Variants in PALMD observed in about 807,000 individuals in gnomAD.
PALMD encodes palmdelphin, also known as paralemmin-like protein.
A neutral mutation model predicts 56.2 loss-of-function variants in PALMD; 42 were observed. The ratio of observed to expected loss-of-function variants is 0.75; its 90% CI spans 0.58 to 0.97. The LOEUF (loss-of-function observed/expected upper bound fraction) is 0.97, where lower values mean the gene tolerates loss of function less well. Among genes scored for constraint, PALMD ranks in the 50% least tolerant of loss-of-function variants. The pLI, the probability that PALMD is intolerant of heterozygous loss-of-function variation, is 0.00. For missense variants in PALMD, 660 were observed against 643.8 expected (o/e 1.03, Z -0.27); for synonymous variants, 242 against 222.9 (o/e 1.09, Z -0.76).
At chr1:99,646,991 T>G (rs1652457168) in intron 1 of PALMD, among the ~76,000 whole-genome samples, 1 of 152,210 alleles carries the variant, frequency 6.6e-6, no homozygotes, top group African/African-American at 2.4e-5. Flanking sequence ...AGGAATGCAG[T>G]GCATGCAGTG....
Position 99,650,285 on chromosome 1 carries a change from GAAAAAAAAAAAAAAAAAA to G in PALMD, c.45+3940_45+3957del, listed in dbSNP as rs200081370. The stretch of plus-strand genomic sequence containing the variant: ...TTTGCCGGCCAAAGCTGCTCATAAT[GAAAAAAAAAAAAAAAAAA>G]AAAAAAAAAAAAAAAAGCTCTCACA... On this transcript the variant is annotated intron_variant, in intron 1 of 7. Transcript: ENST00000263174. Among the ~76,000 whole-genome samples the G allele has an allele frequency of 2.6e-3, 305 of 117,010 alleles. 1 individual carries two copies. The highest frequency in any genetic ancestry group is 0.011 in the African/African-American group (290 of 27,330). The allele number at this position is 117,010 out of a possible 152,430, so 76.8% of individuals were successfully genotyped here.
intron 2 of PALMD, among the ~76,000 whole-genome samples, chr1:99,664,157 G>T (rs1186243750): frequency 6.6e-6 from 1 of 152,160 alleles, no homozygotes; most frequent in Non-Finnish European, 1.5e-5. Context: ...TGGAAAAAAG[G>T]GGTGTGTGTG....
chr1:99,661,059 T>C (rs781237001), intron 1 of PALMD, among the ~76,000 whole-genome samples: 54 of 152,246 alleles, frequency 3.5e-4, no homozygotes, highest in Non-Finnish European at 6.8e-4. Context: ...AGGGAACCCA[T>C]GCACTTATAT....
chr1:99,648,372 C>T (rs986713402), intron 1 of PALMD, among the ~76,000 whole-genome samples: 2 of 152,148 alleles, frequency 1.3e-5, no homozygotes, highest in African/African-American at 2.4e-5. Flanking sequence ...CAGCTTTCCT[C>T]GCCCTCGCCC....
chr1:99,654,127 T>C (rs1652656700), intron 1 of PALMD, among the ~76,000 whole-genome samples: 2 of 151,992 alleles, frequency 1.3e-5, no homozygotes, highest in Non-Finnish European at 2.9e-5. Context: ...CAACACAAGT[T>C]CCACCACTCG....
chr1:99,663,426 TG>T (rs1652891685), intron 2 of PALMD, among the ~76,000 whole-genome samples: 1 of 151,834 alleles, frequency 6.6e-6, no homozygotes, highest in African/African-American at 2.4e-5. Context: ...AGGAAATCAA[TG>T]AAATTTAAAA....
At chr1:99,659,857 C>G (rs1389483212) in intron 1 of PALMD, among the ~76,000 whole-genome samples, 1 of 152,130 alleles carries the variant, frequency 6.6e-6, no homozygotes, top group East Asian at 1.9e-4. Flanking sequence ...CATCATATTA[C>G]CCCTGAGTGA....
At chr1:99,664,487 C>A (rs1474633384) in intron 2 of PALMD, among the ~76,000 whole-genome samples, 1 of 152,104 alleles carries the variant, frequency 6.6e-6, no homozygotes, top group East Asian at 1.9e-4. Flanking sequence ...AAGATGGTAA[C>A]TGATACATAA....
chr1:99,684,708 G>A (rs1653447888), intron 3 of PALMD: 2 of 152,098 alleles, frequency 1.3e-5, no homozygotes, highest in Non-Finnish European at 2.9e-5. Flanking sequence ...TAGAGACTGA[G>A]GTCTCACTAT....
chr1:99,664,185 G>A (rs1652913065), intron 2 of PALMD, among the ~76,000 whole-genome samples: 1 of 152,170 alleles, frequency 6.6e-6, no homozygotes, highest in Non-Finnish European at 1.5e-5. Context: ...GCAGGGCTAG[G>A]AGTTGGGGGA....
chr1:99,691,252 G>A (rs1653645591), intron 7 of PALMD, among the ~76,000 whole-genome samples: 2 of 152,238 alleles, frequency 1.3e-5, no homozygotes, highest in Admixed American at 1.3e-4. Flanking sequence ...GTCAATAGCA[G>A]TGACATTATC....
intron 1 of PALMD, among the ~76,000 whole-genome samples, chr1:99,651,571 AG>A (rs1652587313): frequency 6.6e-6 from 1 of 152,230 alleles, no homozygotes. Flanking sequence ...TTTAATCTGC[AG>A]TCTCTAACTA....
intron 7 of PALMD, among the ~76,000 whole-genome samples, chr1:99,692,711 C>T (rs377552203): frequency 9.2e-5 from 14 of 152,292 alleles, no homozygotes; most frequent in African/African-American, 3.4e-4. Context: ...GCCCCTCACT[C>T]CTACTCTCTT....
chr1:99,690,517 T>C (rs534826144), intron 7 of PALMD, among the ~76,000 whole-genome samples: 167 of 152,298 alleles, frequency 1.1e-3, no homozygotes, highest in African/African-American at 3.7e-3. Flanking sequence ...TCTCATTCTT[T>C]GCAAAATTTT....
In PALMD at chr1:99,687,110, C is replaced by T; in HGVS notation, c.435C>T (p.Asp145=). The part of the protein sequence containing the change: ...SIEDIYANIP[D]LPKSYIPSRL... ...AGGACATCTATGCTAATATCCCTGA[C>T]CTTCCAAAGTCCTACATACCTTCTA... The change falls in exon 6 of 8, where the codon GAC becomes GAT. Residue 145 remains aspartate, a synonymous_variant. Transcript: ENST00000263174. 1 of 1,603,794 alleles carries T rather than the reference C, an allele frequency of 6.2e-7. No individual in the cohort carries two copies. The highest frequency in any genetic ancestry group is 1.7e-5 in the Admixed American group (1 of 59,678).
At chr1:99,669,610 T>C (rs1653042274) in intron 3 of PALMD, 1 of 152,260 alleles carries the variant, frequency 6.6e-6, no homozygotes, top group Non-Finnish European at 1.5e-5. Context: ...CCTACAACTT[T>C]CTCTGCATCT....
chr1:99,646,734 T>G (rs568554635), intron 1 of PALMD, among the ~76,000 whole-genome samples: 2 of 152,368 alleles, frequency 1.3e-5, no homozygotes, highest in African/African-American at 4.8e-5. Context: ...TGGAAACTTT[T>G]TTAAGCTATG....
At chr1:99,682,367 G>A (rs1042219392) in intron 3 of PALMD, among the ~76,000 whole-genome samples, 2 of 152,152 alleles carry the variant, frequency 1.3e-5, no homozygotes, top group Non-Finnish European at 2.9e-5. Flanking sequence ...ATAAAGAATG[G>A]GAGGGAGGTG....
At chr1:99,657,809 T>C (rs77133786) in intron 1 of PALMD, among the ~76,000 whole-genome samples, 1,626 of 152,264 alleles carry the variant, frequency 0.011, 30 homozygotes, top group African/African-American at 0.037. Context: ...TTAGAATTTG[T>C]TCACATCAAG....
Sources: gnomAD v4.1 joint callset for allele counts (sites outside exome capture counted in the v4.1 genomes callset) on GRCh38, gnomAD v4.1.1 for gene constraint, MANE v1.5 for transcripts, NCBI Gene and HGNC (gene_info 2026-07-23, HGNC 2026-07-21) for gene names.